IL1RAP: variants seen among roughly 807,000 people sequenced by gnomAD.
IL1RAP encodes the protein interleukin-1 receptor accessory protein.
A neutral mutation model predicts 60.7 loss-of-function variants in IL1RAP; 35 were observed. The observed-to-expected ratio is 0.58, with a 90% CI of 0.44 to 0.76. The LOEUF (loss-of-function observed/expected upper bound fraction) is 0.76. Among genes scored for constraint, IL1RAP ranks in the 30% least tolerant of loss-of-function variants. The pLI is 0.00. For missense variants in IL1RAP, 572 were observed against 693.9 expected (o/e 0.82, Z 1.97); for synonymous variants, 268 against 250.9 (o/e 1.07, Z -0.64).
At chr3:190,628,231 TA>T (rs1231273415) in intron 8 of IL1RAP, among the ~76,000 whole-genome samples, 1 of 152,218 alleles carries the variant, frequency 6.6e-6, no homozygotes, top group Non-Finnish European at 1.5e-5. Flanking sequence ...CTGCACCAAT[TA>T]AAAATTTGCA....
chr3:190,628,930 A>G (rs910389099), intron 8 of IL1RAP, among the ~76,000 whole-genome samples: 1 of 152,154 alleles, frequency 6.6e-6, no homozygotes, highest in Admixed American at 6.5e-5. Context: ...CAAAAGAGGA[A>G]CCTGAGACCT....
intron 9 of IL1RAP, 80 bp downstream of exon 9, chr3:190,629,578 A>G: frequency 2.7e-6 from 4 of 1,508,094 alleles, no homozygotes; most frequent in Non-Finnish European, 3.5e-6. Context: ...GAGATTGAGA[A>G]CAAGAGAGCT....
chr3:190,571,071 C>T (rs539088590), intron 3 of IL1RAP, among the ~76,000 whole-genome samples: 4 of 152,202 alleles, frequency 2.6e-5, no homozygotes, highest in South Asian at 4.1e-4. Flanking sequence ...CTACTGCATA[C>T]GTGTAGATAC....
intron 3 of IL1RAP, among the ~76,000 whole-genome samples, chr3:190,573,039 A>G (rs1727117232): frequency 1.8e-5 from 1 of 56,722 alleles, no homozygotes; most frequent in Non-Finnish European, 4.1e-5. Context: ...AATTTTTTGT[A>G]TTTTTAGTAG....
intron 3 of IL1RAP, among the ~76,000 whole-genome samples, chr3:190,601,510 T>C (rs1193063932): frequency 6.6e-6 from 1 of 152,234 alleles, no homozygotes; most frequent in African/African-American, 2.4e-5. Context: ...AACTAGTTGT[T>C]AAATTTCCCC....
intron 1 of IL1RAP, among the ~76,000 whole-genome samples, chr3:190,527,831 AC>A (rs1722647968): frequency 1.5e-5 from 1 of 66,272 alleles, no homozygotes; most frequent in African/African-American, 6.6e-5. Flanking sequence ...AGGTCTACAC[AC>A]ACACACACAC....
At chr3:190,616,473 C>T (rs1429364831) in intron 5 of IL1RAP, among the ~76,000 whole-genome samples, 1 of 152,024 alleles carries the variant, frequency 6.6e-6, no homozygotes, top group African/African-American at 2.4e-5. Flanking sequence ...GTGCCTGGCC[C>T]ATAGGAGGGA....
At chr3:190,562,577 C>T (rs1014679750) in intron 2 of IL1RAP, among the ~76,000 whole-genome samples, 7 of 151,952 alleles carry the variant, frequency 4.6e-5, no homozygotes, top group Non-Finnish European at 7.4e-5. Context: ...TGAGAGGCTT[C>T]GTAGCTGTAT....
chr3:190,640,813 GA>G (rs1417489242), intron 9 of IL1RAP, among the ~76,000 whole-genome samples: 12 of 152,066 alleles, frequency 7.9e-5, no homozygotes, highest in Admixed American at 2.0e-4. Context: ...AAAAGGGATG[GA>G]AAAAATACTG....
intron 2 of IL1RAP, 67 bp from the exon 3 acceptor site, chr3:190,564,222 A>T (rs1726164946): frequency 1.0e-6 from 1 of 962,662 alleles, no homozygotes. Context: ...CATGAATGCT[A>T]GTTATTATTA....
Position 190,615,061 on chromosome 3 carries a change from CT to C in IL1RAP, c.538-5204del, listed in dbSNP as rs3836445. ...CCTCCACATGCCTTCTCTTTCTCCT[CT>C]TTTTTTTTTCTGCATGGCGGAAAAA... On this transcript the variant is annotated intron_variant, in intron 5 of 11. Transcript: ENST00000447382. 2.8e-3 allele frequency among the ~76,000 whole-genome samples: 413 copies of C among 149,732 alleles called. 3 individuals are homozygous for C. The highest frequency in any genetic ancestry group is 8.9e-3 in the African/African-American group (364 of 40,896).
chr3:190,590,348 C>T (rs569310620), intron 3 of IL1RAP, among the ~76,000 whole-genome samples: 7 of 151,836 alleles, frequency 4.6e-5, no homozygotes, highest in African/African-American at 1.2e-4. Flanking sequence ...CTCTACCTCC[C>T]GGGTTCAAGC....
chr3:190,572,859 G>GTTTTTTTTTTTTTTTTTTTTT (rs1200775636), intron 3 of IL1RAP, among the ~76,000 whole-genome samples: 1 of 39,052 alleles, frequency 2.6e-5, no homozygotes, highest in African/African-American at 1.2e-4. Context: ...TTAATGCTTT[G>GTTTTTTTTTTTTTTTTTTTTT]TTTTTTTTTT....
chr3:190,648,995 TTA>T lies in IL1RAP; in HGVS notation c.*294_*295del, dbSNP rs1486072494. 9.1e-7 allele frequency: 1 copy of T among 1,093,514 alleles called. No homozygotes were observed. The highest frequency in any genetic ancestry group is 1.1e-6 in the Non-Finnish European group (1 of 899,844). 67.7% of individuals were successfully genotyped at this position (1,093,514 alleles called of 1,614,324 possible). A position where few individuals can be genotyped will look rare whatever the true frequency, so the allele number is the denominator to read the frequency against. ...CCTTCTACATTGTCTATCCCTGTTT[TTA>T]TATGTCTCCATTCTTTTTAAAATCT... is the stretch of plus-strand genomic sequence containing the variant. On this transcript the variant is annotated 3_prime_UTR_variant, in exon 12 of 12. Transcript: ENST00000447382.
In IL1RAP at chr3:190,609,015, A is replaced by G; in HGVS notation, c.371A>G (p.Lys124Arg). 1 of 1,613,106 alleles carries G rather than the reference A, an allele frequency of 6.2e-7. No homozygotes were observed. The highest frequency in any genetic ancestry group is 8.5e-7 in the Non-Finnish European group (1 of 1,179,438). Reference sequence around the variant, plus strand: ...TTCAGGAACACTACATATTGCAGCAAAGTTGCATTTCCCTTGGAAGTTGTT... The same window carrying G: ...TTCAGGAACACTACATATTGCAGCAGAGTTGCATTTCCCTTGGAAGTTGTT... ...CMLRNTTYCS[K>R]VAFPLEVVQK... Residue 124 changes from lysine (K) to arginine (R), a missense_variant, in exon 5 of 12, where the codon AAA (lysine) becomes AGA (arginine). Physicochemically the swap from Lys to Arg is conservative, Grantham distance 26. Transcript: ENST00000447382.
chr3:190,629,725 A>T, intron 9 of IL1RAP: 1 of 1,237,420 alleles, frequency 8.1e-7, no homozygotes, highest in Non-Finnish European at 1.0e-6. Context: ...AAATGTAGCT[A>T]AAAAAATCGA....
Position 190,587,153 on chromosome 3 carries a change from C to T in IL1RAP, c.65-16975C>T, listed in dbSNP as rs1295334196. ...GATCATCTGGTTTTACCTTCTTATA[C>T]GTGATAAAACTGAATCCCAAAGCAG... On this transcript the variant is annotated intron_variant, in intron 3 of 11. Transcript: ENST00000447382. 5.9e-5 allele frequency among the ~76,000 whole-genome samples: 9 copies of T among 152,118 alleles called. No individual in the cohort carries two copies. In the East Asian group the frequency reaches 1.2e-3, roughly 20 times the overall value.
At chr3:190,651,614 TATA>T (rs1734402886), downstream of IL1RAP, 3 of 158,500 alleles carry the variant, frequency 1.9e-5, no homozygotes, top group Admixed American at 6.5e-5. Flanking sequence ...CACAAAGAAA[TATA>T]ATAAGTTACA....
At chr3:190,604,866 T>A (rs73060197) in intron 4 of IL1RAP, among the ~76,000 whole-genome samples, 11,533 of 152,232 alleles carry the variant, frequency 0.076, 820 homozygotes, top group African/African-American at 0.19. Flanking sequence ...CAAATATGTG[T>A]GATGTGATGC....
Sources: allele counts gnomAD v4.1 joint callset (sites outside exome capture counted in the v4.1 genomes callset), GRCh38; gene constraint gnomAD v4.1.1; transcripts MANE v1.5; gene names NCBI Gene and HGNC (gene_info 2026-07-23, HGNC 2026-07-21).